The following NBEA variants were observed in gnomAD, a reference collection of about 807,000 sequenced individuals.
NBEA encodes the protein lysosomal-trafficking regulator 2.
Under a neutral mutation model 343.4 loss-of-function variants are expected in NBEA, and 44 were observed. The ratio of observed to expected loss-of-function variants is 0.13; its 90% CI spans 0.10 to 0.16. NBEA has a LOEUF of 0.16. Ranked by LOEUF, NBEA falls within the 10% of genes least tolerant of loss-of-function variation. The pLI, the probability that NBEA is intolerant of heterozygous loss-of-function variation, is 1.00. For missense variants in NBEA, 2,555 were observed against 3,631.3 expected (o/e 0.70, Z 7.62); for synonymous variants, 1,175 against 1,238.7 (o/e 0.95, Z 1.08).
At chr13:35,184,564 A>G (rs1016922224) in intron 30 of NBEA, among the ~76,000 whole-genome samples, 3 of 152,096 alleles carry the variant, frequency 2.0e-5, no homozygotes, top group African/African-American at 7.2e-5. Context: ...ACATGCAAAG[A>G]AGGAGAAAAA....
At chr13:35,163,861 G>A (rs1429179756) in intron 23 of NBEA, among the ~76,000 whole-genome samples, 1 of 152,018 alleles carries the variant, frequency 6.6e-6, no homozygotes, top group African/African-American at 2.4e-5. Flanking sequence ...AGTCATTGGG[G>A]ATGTGACAAA....
At chr13:35,293,903 T>C (rs1302176647) in intron 35 of NBEA, among the ~76,000 whole-genome samples, 3 of 152,034 alleles carry the variant, frequency 2.0e-5, no homozygotes, top group Non-Finnish European at 1.5e-5. Flanking sequence ...AGAAAACATT[T>C]TATAAATTGA....
At chr13:35,347,753 C>A (rs947484945) in intron 36 of NBEA, among the ~76,000 whole-genome samples, 1 of 149,380 alleles carries the variant, frequency 6.7e-6, no homozygotes, top group Middle Eastern at 3.4e-3. Context: ...CAGTTTTTTT[C>A]TTTCTTATGA....
intron 34 of NBEA, among the ~76,000 whole-genome samples, chr13:35,257,617 A>G (rs1036540275): frequency 2.0e-5 from 3 of 152,180 alleles, no homozygotes; most frequent in African/African-American, 7.2e-5. Context: ...TGGAAAGGAA[A>G]CTTAGCTATG....
chr13:35,502,456 G>T (rs1263699386), intron 41 of NBEA, among the ~76,000 whole-genome samples: 1 of 151,512 alleles, frequency 6.6e-6, no homozygotes, highest in African/African-American at 2.4e-5. Flanking sequence ...ATGAGCAAGT[G>T]ACTTCTAAAA....
chr13:35,086,117 G>A (rs912311999), intron 10 of NBEA, among the ~76,000 whole-genome samples: 3 of 151,982 alleles, frequency 2.0e-5, no homozygotes, highest in South Asian at 4.1e-4. Context: ...ATGCTCATGG[G>A]TAGGAAGAAT....
At chr13:35,309,670 G>T (rs1038589496) in intron 36 of NBEA, 78 bp downstream of exon 36, 6 of 736,094 alleles carry the variant, frequency 8.2e-6, no homozygotes, top group Non-Finnish European at 1.1e-5. Flanking sequence ...CCTACCATCT[G>T]TTCCAAAAAT....
At chr13:35,320,395 C>A (rs1045198010) in intron 36 of NBEA, among the ~76,000 whole-genome samples, 1 of 152,148 alleles carries the variant, frequency 6.6e-6, no homozygotes, top group African/African-American at 2.4e-5. Flanking sequence ...GTTGAAAATT[C>A]TTTACTTTAA....
chr13:35,251,916 C>G (rs2152788582), intron 34 of NBEA: 1 of 153,172 alleles, frequency 6.5e-6, no homozygotes, highest in South Asian at 2.1e-4. Context: ...CTGCTCCCAC[C>G]CCAGAAATCA....
intron 1 of NBEA, among the ~76,000 whole-genome samples, chr13:34,952,698 A>G (rs1249711193): frequency 6.6e-6 from 1 of 152,210 alleles, no homozygotes; most frequent in African/African-American, 2.4e-5. Context: ...AAGATAGAGC[A>G]AACATTGGTT....
intron 49 of NBEA, among the ~76,000 whole-genome samples, chr13:35,642,294 T>C (rs1398118147): frequency 1.3e-5 from 2 of 152,190 alleles, no homozygotes; most frequent in East Asian, 3.9e-4. Flanking sequence ...TGTCTTACAA[T>C]CAATCAATCA....
chr13:35,419,926 T>C (rs2044167847), intron 38 of NBEA, among the ~76,000 whole-genome samples: 1 of 152,056 alleles, frequency 6.6e-6, no homozygotes. Context: ...GTCCACATAT[T>C]CACTGCTAGT....
intron 1 of NBEA, among the ~76,000 whole-genome samples, chr13:35,015,556 C>T (rs1411727332): frequency 6.6e-6 from 1 of 151,722 alleles, no homozygotes; most frequent in Non-Finnish European, 1.5e-5. Context: ...TAAAGCATTA[C>T]ATTACTCTAA....
At chr13:34,998,269 T>C (rs2061005010) in intron 1 of NBEA, among the ~76,000 whole-genome samples, 1 of 152,020 alleles carries the variant, frequency 6.6e-6, no homozygotes, top group Admixed American at 6.6e-5. Context: ...TAATAAGATA[T>C]CACAGGGTAA....
rs190238932 is a variant in NBEA, at chr13:35,151,082, T to C, written c.2446-4692T>C. 4.9e-5 allele frequency among the ~76,000 whole-genome samples: 7 copies of C among 142,790 alleles called. No individual in the cohort carries two copies. In the East Asian group the frequency reaches 1.2e-3, roughly 25 times the overall value. The allele number at this position is 142,790 out of a possible 152,430, so 93.7% of individuals were successfully genotyped here. On this transcript the variant is annotated intron_variant, in intron 18 of 58. Transcript: ENST00000379939. ...GCGAACTGAGATTGTTCTACTGCAC[T>C]CCAGCCTGGTCGACAAACAAGACAC...
chr13:35,578,150 G>A (rs140931881), intron 45 of NBEA, among the ~76,000 whole-genome samples: 6 of 152,196 alleles, frequency 3.9e-5, no homozygotes, highest in African/African-American at 1.4e-4. Flanking sequence ...AGACAAATGA[G>A]TCAAATATAC....
intron 41 of NBEA, chr13:35,476,406 T>G: frequency 9.8e-7 from 1 of 1,017,016 alleles, no homozygotes; most frequent in South Asian, 1.4e-5. Flanking sequence ...TGAAAGACTG[T>G]CCTCCCCCCT....
chr13:35,347,881 C>G (rs1442395845), intron 36 of NBEA, among the ~76,000 whole-genome samples: 1 of 151,992 alleles, frequency 6.6e-6, no homozygotes, highest in Non-Finnish European at 1.5e-5. Flanking sequence ...GCCTGAGAGC[C>G]CGAGCAATTC....
At chr13:35,277,335 C>T (rs1485887027) in intron 34 of NBEA, among the ~76,000 whole-genome samples, 2 of 151,936 alleles carry the variant, frequency 1.3e-5, no homozygotes, top group South Asian at 2.1e-4. Flanking sequence ...TTAAAAATCA[C>T]ATTAGGCCGG....
Sources: gnomAD v4.1 joint callset for allele counts (sites outside exome capture counted in the v4.1 genomes callset) on GRCh38, gnomAD v4.1.1 for gene constraint, MANE v1.5 for transcripts, NCBI Gene and HGNC (gene_info 2026-07-23, HGNC 2026-07-21) for gene names.